Variants in ANKS1B observed in about 807,000 individuals in gnomAD.
ANKS1B encodes the protein ankyrin repeat and sterile alpha motif domain containing 1B.
Under a neutral mutation model 148.3 loss-of-function variants are expected in ANKS1B, and 36 were observed. That is an observed-to-expected ratio of 0.24 (90% confidence interval 0.19 to 0.32). The LOEUF (loss-of-function observed/expected upper bound fraction) is 0.32. ANKS1B is among the 10% of genes least tolerant of loss of function. The probability of loss-of-function intolerance (pLI) is 1.00; values close to 1 mark genes in which losing one functional copy is unlikely to be tolerated. For synonymous variants in ANKS1B, 542 were observed against 560.8 expected, an observed-to-expected ratio of 0.97 and a Z score of 0.47; for missense variants, 1,157 against 1,542.6, an observed-to-expected ratio of 0.75 and a Z score of 4.19.
intron 12 of ANKS1B, among the ~76,000 whole-genome samples, chr12:99,254,027 GA>G (rs2074966084): frequency 6.6e-6 from 1 of 152,180 alleles, no homozygotes. Flanking sequence ...GAAAGTCAAA[GA>G]AAGTCAAATG....
intron 17 of ANKS1B, among the ~76,000 whole-genome samples, chr12:98,895,750 C>CT (rs2099763603): frequency 6.6e-6 from 1 of 152,218 alleles, no homozygotes; most frequent in Non-Finnish European, 1.5e-5. Flanking sequence ...CATTGTACTA[C>CT]TACCAACAGT....
chr12:99,857,393 A>G (rs1221709812), intron 1 of ANKS1B, among the ~76,000 whole-genome samples: 1 of 152,212 alleles, frequency 6.6e-6, no homozygotes, highest in African/African-American at 2.4e-5. Flanking sequence ...CATAGACAAC[A>G]CAAACAAATG....
intron 12 of ANKS1B, among the ~76,000 whole-genome samples, chr12:99,325,239 C>G (rs544740561): frequency 6.6e-6 from 1 of 152,132 alleles, no homozygotes; most frequent in East Asian, 1.9e-4. Flanking sequence ...GATGAGACAT[C>G]AGTTTGAAAA....
intron 10 of ANKS1B, among the ~76,000 whole-genome samples, chr12:99,469,473 T>C (rs1447992853): frequency 1.3e-5 from 2 of 151,934 alleles, no homozygotes; most frequent in Non-Finnish European, 2.9e-5. Flanking sequence ...TTCAAATGTT[T>C]CCTCTTTTAC....
chr12:99,223,243 C>G (rs187334804), intron 14 of ANKS1B, among the ~76,000 whole-genome samples: 109 of 152,228 alleles, frequency 7.2e-4, no homozygotes, highest in Admixed American at 3.3e-3. Context: ...TCAGCAGTCC[C>G]CAGTCTTTTT....
chr12:99,409,056 ATT>A (rs1243501088), intron 11 of ANKS1B, among the ~76,000 whole-genome samples: 1 of 152,174 alleles, frequency 6.6e-6, no homozygotes, highest in Non-Finnish European at 1.5e-5. Flanking sequence ...TCTCATGTTT[ATT>A]GCAGGACTAT....
chr12:99,031,016 T>C (rs779640174), intron 17 of ANKS1B, among the ~76,000 whole-genome samples: 3 of 152,232 alleles, frequency 2.0e-5, no homozygotes, highest in Admixed American at 6.5e-5. Flanking sequence ...ACAAAATTGG[T>C]CACAACTTGA....
intron 2 of ANKS1B, 26 bp downstream of exon 2, chr12:99,825,283 A>T: frequency 6.3e-7 from 1 of 1,587,196 alleles, no homozygotes; most frequent in Non-Finnish European, 8.6e-7. Flanking sequence ...AATACACACG[A>T]TTCCGTCCAA....
intron 1 of ANKS1B, among the ~76,000 whole-genome samples, chr12:99,946,866 A>G (rs1008442581): frequency 2.6e-4 from 39 of 152,186 alleles, no homozygotes; most frequent in Non-Finnish European, 5.3e-4. Context: ...CACCACTGCA[A>G]ACACATATTG....
intron 15 of ANKS1B, among the ~76,000 whole-genome samples, chr12:99,117,945 G>T (rs1482194920): frequency 6.6e-6 from 1 of 151,994 alleles, no homozygotes; most frequent in Non-Finnish European, 1.5e-5. Context: ...TGTGTCCAGG[G>T]ATTTATCCAT....
intron 26 of ANKS1B, among the ~76,000 whole-genome samples, chr12:98,746,788 A>C (rs560758200): frequency 1.3e-5 from 2 of 152,348 alleles, no homozygotes; most frequent in Admixed American, 1.3e-4. Flanking sequence ...AAGGACCAGC[A>C]AGTATTTGCC....
chr12:99,941,631 T>C (rs1416687633), intron 1 of ANKS1B, among the ~76,000 whole-genome samples: 5 of 151,972 alleles, frequency 3.3e-5, no homozygotes, highest in Non-Finnish European at 7.4e-5. Context: ...CACCTCAGAG[T>C]TGAGAGTCAA....
At chr12:98,872,143 C>T (rs991370788) in intron 17 of ANKS1B, among the ~76,000 whole-genome samples, 59 of 152,296 alleles carry the variant, frequency 3.9e-4, no homozygotes, top group African/African-American at 1.4e-3. Flanking sequence ...AGACTAAATA[C>T]AAGCTCTTAC....
intron 1 of ANKS1B, among the ~76,000 whole-genome samples, chr12:99,919,651 C>T (rs1249702471): frequency 1.3e-5 from 2 of 151,928 alleles, no homozygotes; most frequent in Non-Finnish European, 2.9e-5. Flanking sequence ...TTTTGGTCAC[C>T]CCATAGGGGT....
chr12:99,365,887 A>G (rs2092737222), intron 12 of ANKS1B, among the ~76,000 whole-genome samples: 1 of 152,210 alleles, frequency 6.6e-6, no homozygotes, highest in Non-Finnish European at 1.5e-5. Flanking sequence ...TCGTACTGAA[A>G]CAAAATTGTA....
intron 15 of ANKS1B, among the ~76,000 whole-genome samples, chr12:99,127,491 A>C (rs1295754369): frequency 6.6e-6 from 1 of 152,220 alleles, no homozygotes; most frequent in Non-Finnish European, 1.5e-5. Flanking sequence ...AAAAAAGCAA[A>C]AGGTACATAA....
intron 14 of ANKS1B, among the ~76,000 whole-genome samples, chr12:99,173,835 C>T (rs2078065599): frequency 6.6e-6 from 1 of 152,010 alleles, no homozygotes. Flanking sequence ...CTCGTAGTTC[C>T]TGTGCTTGGG....
At chr12:99,017,643 C>G (rs1389811563) in intron 17 of ANKS1B, among the ~76,000 whole-genome samples, 1 of 152,144 alleles carries the variant, frequency 6.6e-6, no homozygotes, top group East Asian at 1.9e-4. Flanking sequence ...GCACCCATTC[C>G]CTAGCCCCCT....
intron 26 of ANKS1B, among the ~76,000 whole-genome samples, chr12:98,750,804 G>C (rs756244349): frequency 2.4e-4 from 36 of 152,228 alleles, no homozygotes; most frequent in Non-Finnish European, 4.1e-4. Context: ...GAGAAGGAGG[G>C]GCTGCACCTT....
Sources: allele counts gnomAD v4.1 joint callset (sites outside exome capture counted in the v4.1 genomes callset), GRCh38; gene constraint gnomAD v4.1.1; transcripts MANE v1.5; gene names NCBI Gene and HGNC (gene_info 2026-07-23, HGNC 2026-07-21).